The following GRM7 variants were observed in gnomAD, a reference collection of about 807,000 sequenced individuals.
The protein encoded by GRM7 is metabotropic glutamate receptor 7.
Under a neutral mutation model 84.5 loss-of-function variants are expected in GRM7, and 35 were observed. The ratio of observed to expected loss-of-function variants is 0.41; its 90% CI spans 0.32 to 0.55. The LOEUF (loss-of-function observed/expected upper bound fraction) is 0.55. Among genes scored for constraint, GRM7 ranks in the 20% least tolerant of loss-of-function variants. The pLI, the probability that GRM7 is intolerant of heterozygous loss-of-function variation, is 0.19. For missense variants in GRM7, 1,003 were observed against 1,194.6 expected (o/e 0.84, Z 2.36); for synonymous variants, 487 against 455.1 (o/e 1.07, Z -0.89).
At chr3:7,119,100 T>C (rs531805034) in intron 1 of GRM7, among the ~76,000 whole-genome samples, 1 of 152,298 alleles carries the variant, frequency 6.6e-6, no homozygotes, top group Admixed American at 6.5e-5. Flanking sequence ...CTGTCCTTTA[T>C]ACATTTTACC....
At chr3:7,101,154 T>C (rs887354395) in intron 1 of GRM7, among the ~76,000 whole-genome samples, 7 of 151,796 alleles carry the variant, frequency 4.6e-5, no homozygotes, top group Non-Finnish European at 1.0e-4. Flanking sequence ...AGCTTTTATG[T>C]TTAACTTTAT....
intron 9 of GRM7, among the ~76,000 whole-genome samples, chr3:7,736,564 A>G (rs1702507048): frequency 6.6e-6 from 1 of 152,196 alleles, no homozygotes; most frequent in South Asian, 2.1e-4. Flanking sequence ...CACAACTTAA[A>G]ACACAGAAAT....
chr3:7,104,546 G>A (rs1699232611), intron 1 of GRM7, among the ~76,000 whole-genome samples: 1 of 151,658 alleles, frequency 6.6e-6, no homozygotes, highest in African/African-American at 2.4e-5. Flanking sequence ...TCAAATCTTG[G>A]TGACTTCACA....
chr3:7,408,129 C>T (rs895709927), intron 4 of GRM7, among the ~76,000 whole-genome samples: 1 of 152,126 alleles, frequency 6.6e-6, no homozygotes, highest in African/African-American at 2.4e-5. Context: ...GGAATTGAAC[C>T]CTACAATTCT....
intron 2 of GRM7, among the ~76,000 whole-genome samples, chr3:7,297,265 G>A (rs969793531): frequency 6.6e-6 from 1 of 151,982 alleles, no homozygotes; most frequent in Admixed American, 6.6e-5. Context: ...GGGTTATTTG[G>A]TAGTGTGTTG....
intron 4 of GRM7, among the ~76,000 whole-genome samples, chr3:7,366,139 C>T (rs1169615352): frequency 6.6e-6 from 1 of 151,760 alleles, no homozygotes; most frequent in Non-Finnish European, 1.5e-5. Flanking sequence ...CTCCTTACTT[C>T]CTGTAGATCT....
intron 1 of GRM7, among the ~76,000 whole-genome samples, chr3:6,976,166 A>G (rs1693986595): frequency 6.6e-6 from 1 of 152,164 alleles, no homozygotes; most frequent in Non-Finnish European, 1.5e-5. Context: ...CGTAGAAGTT[A>G]GGAACCCATG....
At position 7,492,132 on chromosome 3, in the gene GRM7, T is replaced by C. The variant is rs188792486; in HGVS notation, c.1515+30410T>C. On this transcript the variant is annotated intron_variant, in intron 7 of 9. Transcript: ENST00000357716. Reference sequence around the variant, plus strand: ...TTTACAAATATGCGCTGAGGATTTTTTACGTAAACTAATAAGAGATATTGG... The same window carrying C: ...TTTACAAATATGCGCTGAGGATTTTCTACGTAAACTAATAAGAGATATTGG... 8.4e-4 allele frequency among the ~76,000 whole-genome samples: 128 copies of C among 152,298 alleles called. 3 individuals carry two copies. The highest frequency in any genetic ancestry group is 1.5e-4 in the Non-Finnish European group (10 of 68,016).
At chr3:7,032,919 C>A (rs747454179) in intron 1 of GRM7, among the ~76,000 whole-genome samples, 7 of 152,262 alleles carry the variant, frequency 4.6e-5, no homozygotes, top group Admixed American at 1.3e-4. Flanking sequence ...TTACCCCCTT[C>A]TATGGTTTAT....
In GRM7 at chr3:7,004,867, G is replaced by A. The variant is rs892087736; in HGVS notation, c.520-141585G>A. ...TGGATGACTCCAAAAAAGCACATCC[G>A]ACAAATCTCTCTAAAAACACCACAG... On this transcript the variant is annotated intron_variant, in intron 1 of 9. Coordinates refer to ENST00000357716, the MANE Select transcript of GRM7 (RefSeq NM_000844.4). 9.9e-5 allele frequency among the ~76,000 whole-genome samples: 15 copies of A among 152,100 alleles called. 1 individual carries two copies. Among genetic ancestry groups the A allele is most frequent in the South Asian group, 4.1e-4 (2 of 4,824 alleles).
chr3:6,888,382 T>A (rs1458388955), intron 1 of GRM7, among the ~76,000 whole-genome samples: 1 of 152,228 alleles, frequency 6.6e-6, no homozygotes, highest in Admixed American at 6.5e-5. Flanking sequence ...GTTTAAGTCT[T>A]TAATCCATCT....
At chr3:7,586,758 A>G (rs1442117324) in intron 8 of GRM7, among the ~76,000 whole-genome samples, 3 of 152,176 alleles carry the variant, frequency 2.0e-5, no homozygotes, top group Non-Finnish European at 4.4e-5. Context: ...CAGTGGGCCA[A>G]GATTGCACCA....
At chr3:7,561,631 C>A (rs796312300) in intron 7 of GRM7, 11 of 453,882 alleles carry the variant, frequency 2.4e-5, no homozygotes, top group Non-Finnish European at 4.4e-5. Flanking sequence ...AGTCCTCCAG[C>A]AGTCTTGGAA....
chr3:7,165,382 A>G (rs575099345), intron 2 of GRM7, among the ~76,000 whole-genome samples: 1 of 152,260 alleles, frequency 6.6e-6, no homozygotes, highest in African/African-American at 2.4e-5. Flanking sequence ...AAATTAAACT[A>G]TCAGAGTAAT....
At chr3:7,625,803 G>A (rs531703577) in intron 8 of GRM7, among the ~76,000 whole-genome samples, 1 of 152,144 alleles carries the variant, frequency 6.6e-6, no homozygotes, top group Non-Finnish European at 1.5e-5. Context: ...AATGTAACAT[G>A]TGCAGTTCAA....
chr3:7,006,794 G>A (rs1379750837), intron 1 of GRM7, among the ~76,000 whole-genome samples: 2 of 152,154 alleles, frequency 1.3e-5, no homozygotes, highest in Admixed American at 6.5e-5. Context: ...CAATCTTTAA[G>A]TATTTCTAAT....
chr3:7,172,520 C>T (rs996982725), intron 2 of GRM7, among the ~76,000 whole-genome samples: 6 of 151,526 alleles, frequency 4.0e-5, no homozygotes, highest in South Asian at 2.1e-4. Context: ...CCAGGACATC[C>T]GTGAAAGACC....
intron 1 of GRM7, among the ~76,000 whole-genome samples, chr3:6,888,776 T>C (rs971217725): frequency 2.6e-5 from 4 of 152,146 alleles, no homozygotes; most frequent in African/African-American, 9.7e-5. Flanking sequence ...AAGAAAATCA[T>C]TGGTAGCTTG....
chr3:7,708,998 G>T (rs1701491677), intron 9 of GRM7, among the ~76,000 whole-genome samples: 1 of 151,968 alleles, frequency 6.6e-6, no homozygotes, highest in African/African-American at 2.4e-5. Context: ...ACCAGGTCTT[G>T]TTGCTTTTAC....
Sources: allele counts gnomAD v4.1 joint callset (sites outside exome capture counted in the v4.1 genomes callset), GRCh38; gene constraint gnomAD v4.1.1; transcripts MANE v1.5; gene names NCBI Gene and HGNC (gene_info 2026-07-23, HGNC 2026-07-21).